MFAP3L: variants seen among roughly 807,000 people sequenced by gnomAD.
MFAP3L encodes microfibril associated protein 3 like.
In MFAP3L, 5 loss-of-function variants were observed where a neutral mutation model predicts 20.0. That is an observed-to-expected ratio of 0.25 (90% confidence interval 0.13 to 0.53). MFAP3L has a LOEUF of 0.53. Ranked by LOEUF, MFAP3L falls within the 20% of genes least tolerant of loss-of-function variation. The pLI is 0.96. For synonymous variants in MFAP3L, 219 were observed against 213.0 expected, an observed-to-expected ratio of 1.03 and a Z score of -0.25; for missense variants, 409 against 527.5, an observed-to-expected ratio of 0.78 and a Z score of 2.20.
intron 1 of MFAP3L, among the ~76,000 whole-genome samples, chr4:170,017,594 G>T (rs1419024877): frequency 1.3e-5 from 2 of 152,130 alleles, no homozygotes; most frequent in Non-Finnish European, 2.9e-5. Flanking sequence ...TGGTCACTGA[G>T]TGCCCACCAA....
chr4:170,003,330 G>C (rs1413829575), intron 2 of MFAP3L, among the ~76,000 whole-genome samples: 1 of 152,146 alleles, frequency 6.6e-6, no homozygotes, highest in East Asian at 1.9e-4. Flanking sequence ...CTAGCTTGGG[G>C]TCTACTGACA....
intron 1 of MFAP3L, among the ~76,000 whole-genome samples, chr4:170,007,541 C>A (rs1739123180): frequency 6.6e-6 from 1 of 152,226 alleles, no homozygotes; most frequent in African/African-American, 2.4e-5. Flanking sequence ...CTATGTACTG[C>A]TGCCTTGATA....
intron 1 of MFAP3L, among the ~76,000 whole-genome samples, chr4:170,009,428 G>A (rs1739242282): frequency 6.7e-6 from 1 of 149,422 alleles, no homozygotes; most frequent in South Asian, 2.1e-4. Flanking sequence ...ATCTAACATT[G>A]TGAAAGACAT....
chr4:170,012,913 C>A (rs180728322), intron 1 of MFAP3L, among the ~76,000 whole-genome samples: 1 of 152,244 alleles, frequency 6.6e-6, no homozygotes, highest in Admixed American at 6.5e-5. Flanking sequence ...ATTATTACTC[C>A]AACTACACTA....
chr4:170,012,519 G>C (rs11732110), intron 1 of MFAP3L, among the ~76,000 whole-genome samples: 1 of 152,170 alleles, frequency 6.6e-6, no homozygotes, highest in Non-Finnish European at 1.5e-5. Flanking sequence ...GTACACGGTC[G>C]CTCCTGCCTG....
intron 1 of MFAP3L, among the ~76,000 whole-genome samples, chr4:170,021,791 A>C (rs1302248252): frequency 6.6e-6 from 1 of 152,204 alleles, no homozygotes; most frequent in Non-Finnish European, 1.5e-5. Flanking sequence ...GAATTACTAG[A>C]TTTCTAATAT....
At chr4:170,023,952 T>C (rs1740191412) in intron 1 of MFAP3L, among the ~76,000 whole-genome samples, 1 of 152,190 alleles carries the variant, frequency 6.6e-6, no homozygotes, top group South Asian at 2.1e-4. Flanking sequence ...GGGAGTAATT[T>C]GCTGTAAATG....
At chr4:170,025,517 C>CT (rs1740294894) in intron 1 of MFAP3L, among the ~76,000 whole-genome samples, 1 of 152,126 alleles carries the variant, frequency 6.6e-6, no homozygotes, top group South Asian at 2.1e-4. Flanking sequence ...TGCTACCTTG[C>CT]TTTATAAAGC....
At chr4:170,004,073 C>T (rs894754503) in intron 2 of MFAP3L, among the ~76,000 whole-genome samples, 7 of 152,180 alleles carry the variant, frequency 4.6e-5, no homozygotes, top group African/African-American at 1.2e-4. Context: ...TATTCTGCCT[C>T]GGCCTCCTGA....
chr4:170,001,907 G>A (rs779748657), intron 2 of MFAP3L: 5 of 984,726 alleles, frequency 5.1e-6, no homozygotes, highest in Non-Finnish European at 6.0e-6. Context: ...CCAATGACAG[G>A]AAATAGCCCC....
intron 1 of MFAP3L, among the ~76,000 whole-genome samples, chr4:170,022,892 G>A (rs922659385): frequency 3.3e-5 from 5 of 152,128 alleles, no homozygotes; most frequent in Admixed American, 2.6e-4. Flanking sequence ...TAAGACCCAC[G>A]TTGAACTCCC....
At chr4:170,024,781 T>C (rs1375888471) in intron 1 of MFAP3L, among the ~76,000 whole-genome samples, 2 of 152,154 alleles carry the variant, frequency 1.3e-5, no homozygotes, top group Non-Finnish European at 2.9e-5. Flanking sequence ...AACTCTATAC[T>C]GGGGGAAATC....
chr4:170,023,968 T>C (rs1432741314), intron 1 of MFAP3L, among the ~76,000 whole-genome samples: 1 of 152,176 alleles, frequency 6.6e-6, no homozygotes, highest in Non-Finnish European at 1.5e-5. Context: ...AAATGTCTAA[T>C]GTCACCAACA....
intron 1 of MFAP3L, among the ~76,000 whole-genome samples, chr4:170,010,522 C>A (rs1739308435): frequency 6.6e-6 from 1 of 152,194 alleles, no homozygotes; most frequent in African/African-American, 2.4e-5. Flanking sequence ...CCCTCCCCCT[C>A]CTCCTCAGTC....
At chr4:169,997,536 T>G (rs888423075) in intron 2 of MFAP3L, among the ~76,000 whole-genome samples, 2 of 152,032 alleles carry the variant, frequency 1.3e-5, no homozygotes, top group African/African-American at 2.4e-5. Flanking sequence ...AAACAAGAAA[T>G]GTGAATGGTG....
At chr4:170,025,137 G>A (rs1740269609) in intron 1 of MFAP3L, among the ~76,000 whole-genome samples, 1 of 152,134 alleles carries the variant, frequency 6.6e-6, no homozygotes, top group Non-Finnish European at 1.5e-5. Context: ...ACCACACTGG[G>A]ACCTACAAAT....
intron 1 of MFAP3L, among the ~76,000 whole-genome samples, chr4:170,011,725 T>C (rs1739392539): frequency 1.3e-5 from 2 of 152,026 alleles, no homozygotes; most frequent in South Asian, 4.1e-4. Context: ...CAGGAACATA[T>C]ATCGACAGTT....
Position 169,989,602 on chromosome 4 carries a change from A to G in MFAP3L, c.*1776T>C, listed in dbSNP as rs1441648618. 1 of 152,154 alleles carries G rather than the reference A, an allele frequency of 6.6e-6. No homozygotes were observed. Among genetic ancestry groups the G allele is most frequent in the Non-Finnish European group, 1.5e-5 (1 of 68,036 alleles). The allele number at this position is 152,154 out of a possible 1,614,324, so 9.4% of individuals were successfully genotyped here. On this transcript the variant is annotated 3_prime_UTR_variant, in exon 3 of 3. Coordinates refer to ENST00000361618, the MANE Select transcript of MFAP3L (RefSeq NM_021647.8). ...TACCTGCATATTTTACAGATGAAAA[A>G]GATTAAATCCCAGAGAGAGGAAGGG...
Position 169,991,752 on chromosome 4 carries a change from C to A in MFAP3L, c.856G>T (p.Val286Phe). The A allele has an allele frequency of 6.2e-7, 1 of 1,613,726 alleles. No homozygotes were observed. The change falls in exon 3 of 3, where the codon GTC (valine) becomes TTC (phenylalanine). Residue 286 changes from valine (V) to phenylalanine (F), a missense_variant. By Grantham distance (50) the Val-to-Phe change is conservative. Around this residue, in one of 3 missense-constraint regions of MFAP3L, gnomAD observed 169 missense variants for 178.2 expected, o/e 0.95. Transcript: ENST00000361618. The surrounding 1 kb of genome is among the most constrained non-coding windows in gnomAD (Gnocchi z 4.9). ...TTCAGAGAGTTGGGGATTGTGTAGA[C>A]CTCATCCCTGTCTGCGGCCTCCTGG... ...EGQEAADRDE[V>F]YTIPNSLKRS...
Sources: gnomAD v4.1 joint callset for allele counts (sites outside exome capture counted in the v4.1 genomes callset) on GRCh38, gnomAD v4.1.1 for gene constraint, gnomAD v4.1.1 regional missense constraint, Gnocchi (gnomAD v3.1) non-coding constraint, MANE v1.5 for transcripts, NCBI Gene and HGNC (gene_info 2026-07-23, HGNC 2026-07-21) for gene names.